The following HTT variants were observed in gnomAD, a reference collection of about 807,000 sequenced individuals.
The protein encoded by HTT is huntington disease protein.
HTT carries 104 observed loss-of-function variants against 362.3 expected under a neutral mutation model. The ratio of observed to expected loss-of-function variants is 0.29; its 90% confidence interval spans 0.24 to 0.34. HTT has a LOEUF of 0.34. Among genes scored for constraint, HTT ranks in the 10% least tolerant of loss-of-function variants. The pLI, the probability that HTT is intolerant of heterozygous loss-of-function variation, is 1.00. For synonymous variants in HTT, 1,577 were observed against 1,548.7 expected, an observed-to-expected ratio of 1.02 and a Z score of -0.43; for missense variants, 3,301 against 3,928.6, an observed-to-expected ratio of 0.84 and a Z score of 4.27.
At chr4:3,220,856 G>A (rs28436280) in intron 53 of HTT, among the ~76,000 whole-genome samples, 14 of 152,070 alleles carry the variant, frequency 9.2e-5, no homozygotes, top group Admixed American at 5.9e-4. Flanking sequence ...GGGCAAGTCC[G>A]TCTAACCTCT....
At chr4:3,236,084 G>C in intron 63 of HTT, 65 bp from the exon 64 acceptor site, 1 of 1,153,448 alleles carries the variant, frequency 8.7e-7, no homozygotes, top group African/African-American at 1.5e-5. Context: ...TGTGTACAAA[G>C]CACTGTCTAC....
intron 1 of HTT, among the ~76,000 whole-genome samples, chr4:3,079,412 A>G (rs901723687): frequency 1.3e-5 from 2 of 152,076 alleles, no homozygotes; most frequent in Non-Finnish European, 2.9e-5. Flanking sequence ...GTGAGCCATC[A>G]CACCTGGCCA....
At chr4:3,152,726 A>G (rs1716959389) in intron 26 of HTT, among the ~76,000 whole-genome samples, 1 of 150,500 alleles carries the variant, frequency 6.6e-6, no homozygotes, top group African/African-American at 2.4e-5. Context: ...ATTGTGACGG[A>G]ACTTCTGCCT....
intron 29 of HTT, among the ~76,000 whole-genome samples, chr4:3,162,348 A>G (rs1274812319): frequency 6.6e-6 from 1 of 152,156 alleles, no homozygotes; most frequent in Non-Finnish European, 1.5e-5. Context: ...GTTTGAAGTC[A>G]GGTAGTGTGA....
chr4:3,214,396 A>T (rs1031709874), intron 50 of HTT, among the ~76,000 whole-genome samples: 2 of 152,200 alleles, frequency 1.3e-5, no homozygotes, highest in African/African-American at 4.8e-5. Flanking sequence ...AAATACCTCT[A>T]AACTTTATGT....
chr4:3,099,495 T>C (rs1714036139), intron 3 of HTT, 101 bp downstream of exon 3: 1 of 1,525,424 alleles, frequency 6.6e-7, no homozygotes, highest in African/African-American at 1.4e-5. Context: ...TCCCTGAGGA[T>C]GTCTGCACTT....
In HTT at chr4:3,235,736, G is replaced by T. The variant is rs755994326; in HGVS notation, c.8743G>T (p.Ala2915Ser). 6.2e-7 allele frequency: 1 copy of T among 1,611,856 alleles called. No individual in the cohort carries two copies. The highest frequency in any genetic ancestry group is 1.7e-5 in the Admixed American group (1 of 60,018). Reference protein sequence around the residue: ...DRVNVHSPHRAMAALGLMLTC... With the variant: ...DRVNVHSPHRSMAALGLMLTC... ...AGTGAACGTGCACAGCCCGCACCGG[G>T]CCATGGCGGCTCTGGGCCTGATGCT... The change falls in exon 63 of 67, where the codon GCC becomes TCC. Residue 2915 changes from alanine to serine, a missense_variant. Around this residue, in one of 4 missense-constraint regions of HTT, gnomAD observed 753 missense variants for 1,021.3 expected, o/e 0.74. Coordinates refer to ENST00000355072, the MANE Select transcript of HTT (RefSeq NM_001388492.1).
chr4:3,147,831 C>G (rs1716681305), intron 25 of HTT, among the ~76,000 whole-genome samples, 174 bp from the exon 26 acceptor site: 1 of 152,332 alleles, frequency 6.6e-6, no homozygotes, highest in Non-Finnish European at 1.5e-5. Flanking sequence ...ATTGGGAACA[C>G]AGATTTGTGC....
At chr4:3,137,226 ATCT>A (rs1716112876) in intron 21 of HTT, among the ~76,000 whole-genome samples, 1 of 152,082 alleles carries the variant, frequency 6.6e-6, no homozygotes, top group African/African-American at 2.4e-5. Context: ...TTTAAAACAA[ATCT>A]TCTAATAGCT....
At chr4:3,111,080 C>T (rs370949384) in intron 6 of HTT, among the ~76,000 whole-genome samples, 40 of 152,144 alleles carry the variant, frequency 2.6e-4, no homozygotes, top group African/African-American at 8.9e-4. Flanking sequence ...TGCAGTGGTG[C>T]GATCATAGCT....
At chr4:3,238,421 T>A in intron 64 of HTT, 26 bp from the exon 65 acceptor site, 2 of 1,586,380 alleles carry the variant, frequency 1.3e-6, no homozygotes, top group Non-Finnish European at 1.7e-6. Context: ...CTGGTGCCAG[T>A]CTCTGACCTG....
rs182923733 is a variant in HTT at position 3,091,502 on chromosome 4, G to A, written c.347+4480G>A. On this transcript the variant is annotated intron_variant, in intron 2 of 66. Coordinates refer to ENST00000355072, the MANE Select transcript of HTT (RefSeq NM_001388492.1). ...GTCAAAATCCACCTTCAACAAAATT[G>A]AAAGTAAATTGAACTTGGGGAAAGT... Among the ~76,000 whole-genome samples the A allele has an allele frequency of 2.9e-3, 436 of 152,318 alleles. 2 individuals carry two copies. Among genetic ancestry groups the A allele is most frequent in the Non-Finnish European group, 4.5e-3 (304 of 68,022 alleles).
chr4:3,217,816 C>G lies in HTT; in HGVS notation c.7106C>G (p.Ser2369Cys), dbSNP rs1266573386. The G allele has an allele frequency of 6.2e-7, 1 of 1,614,016 alleles. No homozygotes were observed. The highest frequency in any genetic ancestry group is 1.3e-5 in the African/African-American group (1 of 74,936). The change falls in exon 52 of 67, where the codon TCT (serine) becomes TGT (cysteine). Residue 2369 changes from serine to cysteine, a missense_variant. By Grantham distance (112) the Ser-to-Cys change is moderately radical. Coordinates refer to ENST00000355072, the MANE Select transcript of HTT (RefSeq NM_001388492.1). ...GAGATGGTGGCAGAAATGGTGGAGT[C>G]TCTGCAGTCGGTGTTGGCCTTGGGT... ...ACEMVAEMVE[S>C]LQSVLALGHK... is the part of the protein sequence containing the mutation.
Position 3,074,881 on chromosome 4 carries a change from A to AGCAGCAGCAGCAGCAGCAGCG in HTT, c.76_77insGGCAGCAGCAGCAGCAGCAGC (p.Gln25_Gln26insArgGlnGlnGlnGlnGlnGln). ...TTCGAGTCCCTCAAGTCCTTCCAGC[A>AGCAGCAGCAGCAGCAGCAGCG]GCAGCAGCAGCAGCAGCAGCAGCAG... On this transcript the variant is annotated inframe_insertion, in exon 1 of 67. Coordinates refer to ENST00000355072, the MANE Select transcript of HTT (RefSeq NM_001388492.1). 2.0e-6 allele frequency: 1 copy of AGCAGCAGCAGCAGCAGCAGCG among 492,778 alleles called. No homozygotes were observed. The highest frequency in any genetic ancestry group is 2.6e-6 in the Non-Finnish European group (1 of 378,460). The allele number at this position is 492,778 out of a possible 1,614,324, so 30.5% of individuals were successfully genotyped here. A position where few individuals can be genotyped will look rare whatever the true frequency, so the allele number is the denominator to read the frequency against.
chr4:3,163,645 C>T (rs1187803377), intron 29 of HTT, among the ~76,000 whole-genome samples: 1 of 152,108 alleles, frequency 6.6e-6, no homozygotes, highest in East Asian at 1.9e-4. Context: ...CTGGTTTAGT[C>T]TTGGGAGGGT....
At chr4:3,159,874 C>T (rs1214176398) in intron 28 of HTT, among the ~76,000 whole-genome samples, 1 of 152,200 alleles carries the variant, frequency 6.6e-6, no homozygotes, top group African/African-American at 2.4e-5. Flanking sequence ...ATTGAACCAA[C>T]CCTATGTGAA....
intron 55 of HTT, 33 bp from the exon 56 acceptor site, chr4:3,223,959 C>G (rs565283208): frequency 4.0e-5 from 64 of 1,611,910 alleles, no homozygotes; most frequent in Non-Finnish European, 5.3e-5. Flanking sequence ...TTGAAGGAAA[C>G]AAAACACTCT....
At chr4:3,215,067 G>C (rs756334451) in intron 50 of HTT, 43 bp from the exon 51 acceptor site, 27 of 1,449,286 alleles carry the variant, frequency 1.9e-5, no homozygotes, top group Non-Finnish European at 1.4e-5. Context: ...AGCACTGATG[G>C]AAGTGTGTAG....
intron 29 of HTT, among the ~76,000 whole-genome samples, chr4:3,164,695 G>T (rs913104155): frequency 6.6e-6 from 1 of 152,022 alleles, no homozygotes; most frequent in Non-Finnish European, 1.5e-5. Flanking sequence ...TGTCTCCTTT[G>T]AACTTTGTTG....
Sources: gnomAD v4.1 joint callset for allele counts (sites outside exome capture counted in the v4.1 genomes callset) on GRCh38, gnomAD v4.1.1 for gene constraint, gnomAD v4.1.1 regional missense constraint, MANE v1.5 for transcripts, NCBI Gene and HGNC (gene_info 2026-07-23, HGNC 2026-07-21) for gene names.